The following HESX1 variants were observed in gnomAD, a reference collection of about 807,000 sequenced individuals.
HESX1 encodes homeobox expressed in ES cells 1.
Under a neutral mutation model 22.5 loss-of-function variants are expected in HESX1, and 11 were observed. The observed-to-expected ratio is 0.49, with a 90% confidence interval of 0.31 to 0.81. HESX1 has a LOEUF of 0.81. HESX1 is among the 30% of genes least tolerant of loss of function. HESX1 has a pLI of 0.05. For missense variants in HESX1, 201 were observed against 212.6 expected (o/e 0.95, Z 0.34); for synonymous variants, 74 against 76.5 (o/e 0.97, Z 0.17).
intron 1 of HESX1, among the ~76,000 whole-genome samples, chr3:57,215,445 G>A (rs1368808434): frequency 6.6e-6 from 1 of 152,112 alleles, no homozygotes; most frequent in Non-Finnish European, 1.5e-5. Flanking sequence ...CTATAGCCAA[G>A]ACACCTATTT....
chr3:57,199,352 G>A (rs566378607), intron 1 of HESX1, among the ~76,000 whole-genome samples: 1 of 152,176 alleles, frequency 6.6e-6, no homozygotes, highest in South Asian at 2.1e-4. Flanking sequence ...GGCGTGGTGG[G>A]TCATGCCTGT....
upstream of HESX1, among the ~76,000 whole-genome samples, chr3:57,201,380 G>T (rs943494080): frequency 1.3e-5 from 2 of 152,014 alleles, no homozygotes; most frequent in African/African-American, 4.8e-5. Context: ...GTGCAAAGGT[G>T]GGGGGTATCT....
At position 57,219,375 on chromosome 3, in the gene HESX1, C is replaced by CT. The variant is rs1177953036; in HGVS notation, c.-111+6920dup. ...TGTTCGTGTCCTTTGCCCACTTTTTCTTTTTTTTTTGAGACGGAGTCTTGC... is the reference window on the plus strand; with the variant it reads ...TGTTCGTGTCCTTTGCCCACTTTTTCTTTTTTTTTTTGAGACGGAGTCTTGC... On this transcript the variant is annotated intron_variant, in intron 1 of 2. Coordinates refer to the HESX1 transcript ENST00000495160. Among the ~76,000 whole-genome samples the CT allele has an allele frequency of 1.4e-3, 213 of 147,952 alleles. 2 individuals carry two copies. The highest frequency in any genetic ancestry group is 8.1e-3 in the South Asian group (38 of 4,666).
At chr3:57,221,242 C>T (rs961259494) in intron 1 of HESX1, among the ~76,000 whole-genome samples, 1 of 151,830 alleles carries the variant, frequency 6.6e-6, no homozygotes, top group African/African-American at 2.4e-5. Flanking sequence ...CAGCCTCCAA[C>T]TCTCCAGCTC....
At position 57,199,809 on chromosome 3, in the gene HESX1, G is replaced by A. The variant is rs145712257; in HGVS notation, c.110C>T (p.Pro37Leu). ...CCAGGGCCTGTGGGGTTTCATTAAT[G>A]GAACACAGTCTTTCTTCTGGTCCAG... ...LGLDQKKDCVPLMKPHRPWAD... is the reference protein window; with the variant it reads ...LGLDQKKDCVLLMKPHRPWAD... The change falls in exon 1 of 4, where the codon CCA becomes CTA. Residue 37 changes from proline (P) to leucine (L), a missense_variant. By Grantham distance (98) the Pro-to-Leu change is moderately conservative. Transcript: ENST00000295934. 1 of 1,614,044 alleles carries A rather than the reference G, an allele frequency of 6.2e-7. No homozygotes were observed. Among genetic ancestry groups the A allele is most frequent in the African/African-American group, 1.3e-5 (1 of 75,014 alleles).
chr3:57,204,408 G>T (rs1579354149), upstream of HESX1, among the ~76,000 whole-genome samples: 1 of 152,318 alleles, frequency 6.6e-6, no homozygotes, highest in East Asian at 1.9e-4. Context: ...CTTGCTGATG[G>T]ATTGGATAGG....
upstream of HESX1, among the ~76,000 whole-genome samples, chr3:57,203,704 G>A (rs1320455477): frequency 6.6e-6 from 1 of 152,058 alleles, no homozygotes; most frequent in Non-Finnish European, 1.5e-5. Flanking sequence ...ACAGGTACAT[G>A]TCATCACACC....
chr3:57,209,903 C>T (rs775187361), intron 1 of HESX1, among the ~76,000 whole-genome samples: 11 of 152,076 alleles, frequency 7.2e-5, no homozygotes, highest in African/African-American at 2.7e-4. Flanking sequence ...AATCTTCTCA[C>T]GAATCTTTTA....
At chr3:57,209,618 C>T (rs1240420141) in intron 1 of HESX1, among the ~76,000 whole-genome samples, 3 of 137,418 alleles carry the variant, frequency 2.2e-5, no homozygotes, top group African/African-American at 5.5e-5. Context: ...ACCTGGGAAA[C>T]AGAGCGAGAC....
intron 1 of HESX1, among the ~76,000 whole-genome samples, chr3:57,206,689 T>C (rs1488264122): frequency 1.3e-5 from 2 of 152,176 alleles, no homozygotes; most frequent in Non-Finnish European, 2.9e-5. Flanking sequence ...ATATTAATCC[T>C]CAGACTAGCA....
Position 57,198,910 on chromosome 3 carries a change from C to A in HESX1, c.200G>T (p.Ser67Ile). Residue 67 changes from serine (S) to isoleucine (I), a missense_variant, in exon 2 of 4, where the codon AGT becomes ATT. Coordinates refer to ENST00000295934, the MANE Select transcript of HESX1 (RefSeq NM_003865.3). The part of the protein sequence containing the change: ...NLCLHVPNPP[S>I]GISFPSVVDH... Reference sequence around the variant, plus strand: ...CACCACGCTAGGGAATGAAATCCCACTGGGAGGATTTGGGACATGTAGACA... The same window carrying A: ...CACCACGCTAGGGAATGAAATCCCAATGGGAGGATTTGGGACATGTAGACA... The A allele has an allele frequency of 6.2e-7, 1 of 1,614,124 alleles. No homozygotes were observed. The highest frequency in any genetic ancestry group is 8.5e-7 in the Non-Finnish European group (1 of 1,180,018).
intron 1 of HESX1, among the ~76,000 whole-genome samples, chr3:57,223,217 C>G (rs2060624372): frequency 6.6e-6 from 1 of 152,160 alleles, no homozygotes; most frequent in South Asian, 2.1e-4. Context: ...AATCACAGCC[C>G]AAGCTTATTA....
chr3:57,201,873 CTA>C (rs1237570916), upstream of HESX1, among the ~76,000 whole-genome samples: 181 of 108,560 alleles, frequency 1.7e-3, no homozygotes, highest in African/African-American at 4.1e-3. Flanking sequence ...ATCTATCTAT[CTA>C]TATCTATCTA....
chr3:57,222,011 T>C (rs543944975), intron 1 of HESX1, among the ~76,000 whole-genome samples: 37 of 152,338 alleles, frequency 2.4e-4, no homozygotes, highest in African/African-American at 8.9e-4. Context: ...TTTTGTTTTG[T>C]TCATTATTTA....
At chr3:57,212,147 T>G (rs549934736) in intron 1 of HESX1, among the ~76,000 whole-genome samples, 1 of 152,362 alleles carries the variant, frequency 6.6e-6, no homozygotes, top group East Asian at 1.9e-4. Context: ...GTATTATATT[T>G]TTCATTTTCA....
chr3:57,227,095 A>ATGGGAG (rs2060651065), upstream of HESX1, among the ~76,000 whole-genome samples: 1 of 152,224 alleles, frequency 6.6e-6, no homozygotes, highest in Non-Finnish European at 1.5e-5. Context: ...TAAAAGAAAC[A>ATGGGAG]TGGGAGTTGG....
chr3:57,225,609 G>C (rs987138673), intron 1 of HESX1, among the ~76,000 whole-genome samples: 1 of 152,146 alleles, frequency 6.6e-6, no homozygotes, highest in African/African-American at 2.4e-5. Flanking sequence ...CCAAAGTGCT[G>C]GGATTACAGG....
chr3:57,223,475 A>ATCAAGG (rs1470888497), intron 1 of HESX1, among the ~76,000 whole-genome samples: 2 of 152,308 alleles, frequency 1.3e-5, no homozygotes, highest in Middle Eastern at 3.4e-3. Context: ...TAAAAGTGAC[A>ATCAAGG]TCAAGGTCAA....
At position 57,217,621 on chromosome 3, in the gene HESX1, C is replaced by G. The variant is rs139468058; in HGVS notation, c.-111+8675G>C. On this transcript the variant is annotated intron_variant, in intron 1 of 2. Coordinates refer to the HESX1 transcript ENST00000495160. ...ACACCCCAGACCTAGCCATGCTCCACGTGAATGCTGTTTTCACCTTGCTCT... is the reference window on the plus strand; with the variant it reads ...ACACCCCAGACCTAGCCATGCTCCAGGTGAATGCTGTTTTCACCTTGCTCT... 2.2e-3 allele frequency among the ~76,000 whole-genome samples: 333 copies of G among 152,220 alleles called. 1 individual carries two copies. Among genetic ancestry groups the G allele is most frequent in the African/African-American group, 7.0e-3 (289 of 41,530 alleles).
Sources: gnomAD v4.1 joint callset for allele counts (sites outside exome capture counted in the v4.1 genomes callset) on GRCh38, gnomAD v4.1.1 for gene constraint, MANE v1.5 for transcripts, NCBI Gene and HGNC (gene_info 2026-07-23, HGNC 2026-07-21) for gene names.